Variants in SLC28A1 observed in about 807,000 individuals in gnomAD.
The protein encoded by SLC28A1 is sodium/nucleoside cotransporter 1.
A neutral mutation model predicts 74.8 loss-of-function variants in SLC28A1; 64 were observed. The ratio of observed to expected loss-of-function variants is 0.86; its 90% CI spans 0.70 to 1.05. The LOEUF is 1.05. Ranked by LOEUF, SLC28A1 falls within the 50% of genes least tolerant of loss-of-function variation. The pLI is 0.00. For synonymous variants in SLC28A1, 359 were observed against 335.0 expected (o/e 1.07, Z -0.78); for missense variants, 828 against 822.8 (o/e 1.01, Z -0.08).
chr15:84,924,961 C>T (rs941286869), intron 12 of SLC28A1, among the ~76,000 whole-genome samples: 7 of 146,640 alleles, frequency 4.8e-5, no homozygotes, highest in Admixed American at 4.2e-4. Context: ...AGTGCAGTGG[C>T]GCAATCTTGG....
chr15:84,901,368 A>G (rs770254887), intron 6 of SLC28A1, among the ~76,000 whole-genome samples: 26 of 151,950 alleles, frequency 1.7e-4, no homozygotes, highest in Non-Finnish European at 3.2e-4. Flanking sequence ...TTAGCCAGAT[A>G]TGGTGACGGG....
At chr15:84,897,737 C>A (rs534399786) in intron 6 of SLC28A1, among the ~76,000 whole-genome samples, 2 of 152,232 alleles carry the variant, frequency 1.3e-5, no homozygotes, top group African/African-American at 4.8e-5. Context: ...TATTTCTTCT[C>A]TCAAACTGTA....
At chr15:84,958,142 A>G in the SLC28A1 span, among the ~76,000 whole-genome samples, 1 of 152,150 alleles carries the variant, frequency 6.6e-6, no homozygotes, top group Non-Finnish European at 1.5e-5. Flanking sequence ...ATTTTTGTAT[A>G]TTGGTCTTAT....
intron 8 of SLC28A1, among the ~76,000 whole-genome samples, chr15:84,905,942 A>AC (rs200419510): frequency 0.37 from 56,146 of 149,762 alleles, 10,660 homozygotes; most frequent in South Asian, 0.55. Flanking sequence ...AAAAAAAAAA[A>AC]CCCAAATCTG....
chr15:84,965,390 C>CTAA, the SLC28A1 span, among the ~76,000 whole-genome samples: 5 of 152,272 alleles, frequency 3.3e-5, no homozygotes, highest in African/African-American at 1.2e-4. Flanking sequence ...TGAGAATGGA[C>CTAA]TAATACAGAC....
At chr15:84,958,018 A>T in the SLC28A1 span, among the ~76,000 whole-genome samples, 1 of 152,222 alleles carries the variant, frequency 6.6e-6, no homozygotes, top group Admixed American at 6.5e-5. Flanking sequence ...TTTTCATTGT[A>T]CAAGTCTTGC....
chr15:84,934,394 T>A (rs1379719193), intron 13 of SLC28A1, among the ~76,000 whole-genome samples: 1 of 152,242 alleles, frequency 6.6e-6, no homozygotes, highest in Admixed American at 6.5e-5. Context: ...ATTGACATGC[T>A]GAGTGCCATC....
At chr15:84,885,731 C>A (rs367821980) in intron 1 of SLC28A1, among the ~76,000 whole-genome samples, 526 of 103,908 alleles carry the variant, frequency 5.1e-3, no homozygotes, top group Admixed American at 5.8e-3. Context: ...AACTCCGTCT[C>A]AAAAAAAAAA....
chr15:84,954,926 A>G, the SLC28A1 span, among the ~76,000 whole-genome samples: 11 of 152,266 alleles, frequency 7.2e-5, no homozygotes, highest in Middle Eastern at 3.4e-3. Context: ...GAATGATGCC[A>G]TGTGACTTCT....
the SLC28A1 span, chr15:84,975,387 C>A: frequency 2.4e-6 from 1 of 422,116 alleles, no homozygotes; most frequent in Non-Finnish European, 4.9e-6. Context: ...TAACTCATGT[C>A]TTATTGCACT....
intron 12 of SLC28A1, 118 bp downstream of exon 12, chr15:84,924,228 G>T (rs1294477636): frequency 8.0e-6 from 10 of 1,256,210 alleles, no homozygotes; most frequent in Admixed American, 3.4e-5. Context: ...GGCCTGCTGT[G>T]CTGGCAAGAG....
chr15:84,912,770 T>G (rs891988018), intron 9 of SLC28A1, among the ~76,000 whole-genome samples: 1 of 147,898 alleles, frequency 6.8e-6, no homozygotes, highest in African/African-American at 2.6e-5. Flanking sequence ...GACTCTGCAG[T>G]CCCCAGTGGT....
Position 84,895,053 on chromosome 15 carries a change from C to T in SLC28A1, c.391C>T (p.Leu131Phe), listed in dbSNP as rs764328328. The change falls in exon 6 of 19, where the codon CTT becomes TTT. Residue 131 changes from leucine to phenylalanine, a missense_variant. Around this residue, in one of 3 missense-constraint regions of SLC28A1, gnomAD observed 767 missense variants for 753.5 expected, o/e 1.02. Coordinates refer to ENST00000394573, the MANE Select transcript of SLC28A1 (RefSeq NM_004213.5). ...TFLGHRLLKRLLGPKLRRFLK... is the reference protein window; with the variant it reads ...TFLGHRLLKRFLGPKLRRFLK... ...CCTGGGCCACCGCCTGCTGAAACGG[C>T]TTCTGGGGCCAAAGCTGAGGAGGTT... 7 of 1,611,034 alleles carry T rather than the reference C, an allele frequency of 4.3e-6. No individual in the cohort carries two copies. The East Asian group carries it at 1.6e-4, about 36-fold the overall frequency.
intron 10 of SLC28A1, among the ~76,000 whole-genome samples, chr15:84,918,883 C>G (rs1433176175): frequency 1.6e-5 from 1 of 62,782 alleles, no homozygotes; most frequent in East Asian, 2.9e-3. Context: ...TCCCTTGCTT[C>G]TGAAGTCCAT....
the SLC28A1 span, among the ~76,000 whole-genome samples, chr15:84,970,264 G>C: frequency 2.0e-5 from 3 of 152,086 alleles, no homozygotes; most frequent in African/African-American, 7.2e-5. Flanking sequence ...CTCTTTTTTA[G>C]AAGGAAGGAG....
At chr15:84,965,261 T>C in the SLC28A1 span, among the ~76,000 whole-genome samples, 1 of 152,220 alleles carries the variant, frequency 6.6e-6, no homozygotes. Context: ...ATGTGTTTGC[T>C]TCCCCTTCTG....
chr15:84,894,864 A>G (rs539588883), intron 5 of SLC28A1, 76 bp from the exon 6 acceptor site: 622 of 1,407,224 alleles, frequency 4.4e-4, no homozygotes, highest in Middle Eastern at 1.4e-3. Context: ...AGTAAGGTGG[A>G]GTCCGCGGGC....
intron 1 of SLC28A1, among the ~76,000 whole-genome samples, chr15:84,885,431 A>G (rs943638211): frequency 4.6e-5 from 7 of 150,660 alleles, no homozygotes; most frequent in African/African-American, 9.7e-5. Context: ...TACATTTAGG[A>G]AAAAAAAAGT....
rs1345244099 is a variant in SLC28A1 at position 84,904,113 on chromosome 15, G to T, written c.478G>T (p.Ala160Ser). 3 of 1,614,240 alleles carry T rather than the reference G, an allele frequency of 1.9e-6. No homozygotes were observed. Among genetic ancestry groups the T allele is most frequent in the Non-Finnish European group, 1.7e-6 (2 of 1,180,048 alleles). The change falls in exon 7 of 19, where the codon GCT (alanine) becomes TCT (serine). Residue 160 changes from alanine (A) to serine (S), a missense_variant. This residue lies in a region of SLC28A1 where 767 missense variants were observed against 753.5 expected (regional missense o/e 1.02). Coordinates refer to ENST00000394573, the MANE Select transcript of SLC28A1 (RefSeq NM_004213.5). The part of the protein sequence containing the change: ...LWFKRGLALA[A>S]FLGLVLWLSL... ...TGCCTGCAGGGGTCTAGCTCTTGCT[G>T]CTTTCCTGGGCCTGGTCCTGTGGCT...
Sources: allele counts gnomAD v4.1 joint callset (sites outside exome capture counted in the v4.1 genomes callset), GRCh38; gene constraint gnomAD v4.1.1; regional missense constraint gnomAD v4.1.1; transcripts MANE v1.5; gene names NCBI Gene and HGNC (gene_info 2026-07-23, HGNC 2026-07-21).